STK32B: variants seen among roughly 807,000 people sequenced by gnomAD.
STK32B encodes serine/threonine kinase 32B.
In STK32B, 43 loss-of-function variants were observed where a neutral mutation model predicts 52.6. The ratio of observed to expected loss-of-function variants is 0.82; its 90% CI spans 0.64 to 1.05. The LOEUF is 1.05. Among genes scored for constraint, STK32B ranks in the 50% least tolerant of loss-of-function variants. The probability of loss-of-function intolerance (pLI) is 0.00; values close to 1 mark genes in which losing one functional copy is unlikely to be tolerated. For missense variants in STK32B, 621 were observed against 534.6 expected, an observed-to-expected ratio of 1.16 and a Z score of -1.59; for synonymous variants, 238 against 204.3, an observed-to-expected ratio of 1.17 and a Z score of -1.41.
At chr4:5,173,341 C>G (rs545391618) in intron 3 of STK32B, among the ~76,000 whole-genome samples, 104 of 151,998 alleles carry the variant, frequency 6.8e-4, no homozygotes, top group South Asian at 6.1e-3. Flanking sequence ...CTTGCCTTCT[C>G]CTAGCTTTTG....
At chr4:5,034,538 A>C in the STK32B span, among the ~76,000 whole-genome samples, 1 of 152,190 alleles carries the variant, frequency 6.6e-6, no homozygotes, top group Non-Finnish European at 1.5e-5. Context: ...TGCCAGGGCT[A>C]TCTGTCTCAG....
At chr4:5,305,597 G>A (rs4586870) in intron 3 of STK32B, among the ~76,000 whole-genome samples, 19,454 of 151,688 alleles carry the variant, frequency 0.13, 2,698 homozygotes, top group African/African-American at 0.36. Context: ...TTTTCTTTTC[G>A]TGGTTAACCA....
intron 4 of STK32B, among the ~76,000 whole-genome samples, chr4:5,334,934 TTC>T: frequency 6.6e-6 from 1 of 152,084 alleles, no homozygotes; most frequent in East Asian, 1.9e-4. Flanking sequence ...TGGTCTAAAA[TTC>T]TCTTTTTTGG....
At chr4:5,367,642 T>G (rs1222855741) in intron 4 of STK32B, among the ~76,000 whole-genome samples, 1 of 152,220 alleles carries the variant, frequency 6.6e-6, no homozygotes, top group South Asian at 2.1e-4. Flanking sequence ...CCCTGCTGAG[T>G]ACAGGTCAAC....
intron 3 of STK32B, among the ~76,000 whole-genome samples, chr4:5,261,201 G>A (rs1726690737): frequency 6.6e-6 from 1 of 152,152 alleles, no homozygotes; most frequent in Non-Finnish European, 1.5e-5. Flanking sequence ...GCTCATGAAG[G>A]TGGCTGCTCA....
At chr4:5,083,171 C>CT (rs1712531624) in intron 1 of STK32B, among the ~76,000 whole-genome samples, 1 of 152,074 alleles carries the variant, frequency 6.6e-6, no homozygotes, top group South Asian at 2.1e-4. Flanking sequence ...TTTTAAGGCT[C>CT]TAACTTTTTT....
chr4:5,431,929 C>T (rs886468037), intron 6 of STK32B, among the ~76,000 whole-genome samples: 2 of 152,182 alleles, frequency 1.3e-5, no homozygotes, highest in African/African-American at 2.4e-5. Flanking sequence ...TCCACAGCTT[C>T]TTGGCACACT....
intron 11 of STK32B, among the ~76,000 whole-genome samples, chr4:5,494,034 G>A (rs1425144328): frequency 6.6e-6 from 1 of 152,200 alleles, no homozygotes; most frequent in Non-Finnish European, 1.5e-5. Context: ...GTGGTGTGGT[G>A]CTGAAAAAAA....
intron 11 of STK32B, among the ~76,000 whole-genome samples, chr4:5,471,890 A>C (rs1207163215): frequency 6.6e-6 from 1 of 152,170 alleles, no homozygotes; most frequent in Non-Finnish European, 1.5e-5. Context: ...TTGAACATAG[A>C]TTCCTGCTAT....
Position 5,159,610 on chromosome 4 carries a change from A to AAT in STK32B, c.109-8682_109-8681dup, listed in dbSNP as rs374692768. ...ATGAATATATATGAATATATATATG[A>AAT]ATATATATGAATATATATGAATATA... On this transcript the variant is annotated intron_variant, in intron 2 of 11. Transcript: ENST00000282908. Among the ~76,000 whole-genome samples, 280 of 95,212 alleles carry AAT rather than the reference A, an allele frequency of 2.9e-3. 27 individuals are homozygous for AAT. Among genetic ancestry groups the AAT allele is most frequent in the African/African-American group, 0.011 (203 of 19,112 alleles). 62.5% of individuals were successfully genotyped at this position (95,212 alleles called of 152,430 possible). A position where few individuals can be genotyped will look rare whatever the true frequency, so the allele number is the denominator to read the frequency against.
At chr4:5,461,316 G>A (rs1400574130) in intron 9 of STK32B, among the ~76,000 whole-genome samples, 1 of 152,182 alleles carries the variant, frequency 6.6e-6, no homozygotes, top group East Asian at 1.9e-4. Flanking sequence ...GGAGACTCCA[G>A]CCTGGAAGGC....
chr4:5,242,653 A>G (rs1048465777), intron 3 of STK32B, among the ~76,000 whole-genome samples: 1 of 152,152 alleles, frequency 6.6e-6, no homozygotes, highest in South Asian at 2.1e-4. Flanking sequence ...GTCCTTGCCC[A>G]TGCCTATGTC....
At chr4:5,384,090 G>C (rs899520633) in intron 4 of STK32B, among the ~76,000 whole-genome samples, 1 of 152,218 alleles carries the variant, frequency 6.6e-6, no homozygotes, top group Non-Finnish European at 1.5e-5. Context: ...CCATAGCGGG[G>C]GACAATGCTT....
chr4:5,204,488 G>GTTTTGTTTTC (rs1560223634), intron 3 of STK32B, among the ~76,000 whole-genome samples: 1 of 150,882 alleles, frequency 6.6e-6, no homozygotes. Flanking sequence ...GTTTTGTTTT[G>GTTTTGTTTTC]AGACAGAGTC....
rs775304058 is a variant in STK32B at position 5,467,224 on chromosome 4, T to C, written c.1041+390T>C. 1.3e-5 allele frequency among the ~76,000 whole-genome samples: 2 copies of C among 152,106 alleles called. No individual in the cohort carries two copies. On this transcript the variant is annotated intron_variant, in intron 10 of 11. Transcript: ENST00000282908. The surrounding 1 kb of genome is among the most constrained non-coding windows in gnomAD (Gnocchi z 5.8). The stretch of plus-strand genomic sequence containing the variant: ...TTTCCTGGGGCTGCCACAAGCTAGG[T>C]GGCTTAAAACAACCCACATTGATTC...
chr4:5,243,462 C>T (rs1278148655), intron 3 of STK32B, among the ~76,000 whole-genome samples: 1 of 152,166 alleles, frequency 6.6e-6, no homozygotes, highest in Non-Finnish European at 1.5e-5. Context: ...TGCTCATCAG[C>T]TTAAGGAGAT....
chr4:5,154,817 C>G (rs919447133), intron 2 of STK32B, among the ~76,000 whole-genome samples: 6 of 152,192 alleles, frequency 3.9e-5, no homozygotes, highest in African/African-American at 1.4e-4. Flanking sequence ...TCAGTAAGTG[C>G]TGGCTTAGTG....
rs545499948 is a variant in STK32B at position 5,172,512 on chromosome 4, G to A, written c.260+4062G>A. Among the ~76,000 whole-genome samples the A allele has an allele frequency of 2.0e-5, 3 of 152,134 alleles. No homozygotes were observed. In the South Asian group the frequency reaches 6.2e-4, roughly 32 times the overall value. ...ATACCTAATTTATTGAGAGTTTTTA[G>A]CATGAAGGGTTGTTGAATTTTGTCA... On this transcript the variant is annotated intron_variant, in intron 3 of 11. Transcript: ENST00000282908.
chr4:5,405,900 C>T (rs1737627873), intron 5 of STK32B, among the ~76,000 whole-genome samples: 2 of 152,106 alleles, frequency 1.3e-5, no homozygotes, highest in South Asian at 4.2e-4. Flanking sequence ...ATATCATGTT[C>T]TTCTCACATT....
Sources: allele counts gnomAD v4.1 joint callset (sites outside exome capture counted in the v4.1 genomes callset), GRCh38; gene constraint gnomAD v4.1.1; non-coding constraint Gnocchi (gnomAD v3.1); transcripts MANE v1.5; gene names NCBI Gene and HGNC (gene_info 2026-07-23, HGNC 2026-07-21).